The following KIF1A variants were observed in gnomAD, a reference collection of about 807,000 sequenced individuals.
KIF1A encodes the protein kinesin family member 1A.
A neutral mutation model predicts 227.3 loss-of-function variants in KIF1A; 46 were observed. The ratio of observed to expected loss-of-function variants is 0.20; its 90% CI spans 0.16 to 0.26. KIF1A has a LOEUF of 0.26. Among genes scored for constraint, KIF1A ranks in the 10% least tolerant of loss-of-function variants. The pLI is 1.00. For synonymous variants in KIF1A, 1,022 were observed against 1,012.8 expected, an observed-to-expected ratio of 1.01 and a Z score of -0.17; for missense variants, 1,683 against 2,485.9, an observed-to-expected ratio of 0.68 and a Z score of 6.87.
At chr2:240,787,577 A>G (rs1231768411) in intron 4 of KIF1A, among the ~76,000 whole-genome samples, 1 of 152,120 alleles carries the variant, frequency 6.6e-6, no homozygotes, top group Non-Finnish European at 1.5e-5. Context: ...CAGACATCCC[A>G]GCCATCTCCC....
intron 38 of KIF1A, among the ~76,000 whole-genome samples, chr2:240,733,765 C>A (rs952884949): frequency 2.6e-5 from 4 of 152,234 alleles, no homozygotes; most frequent in African/African-American, 9.6e-5. Flanking sequence ...GCTTAAAGGC[C>A]CATCATTGGT....
intron 1 of KIF1A, among the ~76,000 whole-genome samples, chr2:240,807,130 G>GGGTGTATATATATATATATATA (rs2057495818): frequency 8.4e-6 from 1 of 119,450 alleles, no homozygotes; most frequent in East Asian, 2.3e-4. Flanking sequence ...GTGTGTGTGT[G>GGGTGTATATATATATATATATA]TATATATATA....
intron 38 of KIF1A, among the ~76,000 whole-genome samples, chr2:240,732,790 AAGGGATGAGGGGAT>A (rs2046885174): frequency 3.6e-5 from 1 of 27,422 alleles, no homozygotes; most frequent in Non-Finnish European, 7.4e-5. Context: ...ATGAGGGGAT[AAGGGATGAGGGGAT>A]GAGGGAGGGA....
intron 38 of KIF1A, among the ~76,000 whole-genome samples, chr2:240,735,908 C>G (rs1432163010): frequency 6.6e-6 from 1 of 152,066 alleles, no homozygotes; most frequent in African/African-American, 2.4e-5. Context: ...GGGCAAGTTC[C>G]CTCTGGAAGG....
At chr2:240,809,807 A>C (rs1386328314) in intron 1 of KIF1A, among the ~76,000 whole-genome samples, 3 of 151,774 alleles carry the variant, frequency 2.0e-5, no homozygotes, top group African/African-American at 7.3e-5. Flanking sequence ...TGATGGGTGC[A>C]GCAAATCAAC....
At chr2:240,735,527 C>A (rs1007137344) in intron 38 of KIF1A, among the ~76,000 whole-genome samples, 1 of 152,140 alleles carries the variant, frequency 6.6e-6, no homozygotes, top group Non-Finnish European at 1.5e-5. Flanking sequence ...GCTGCCTGGG[C>A]TGAGGGGGGT....
At chr2:240,731,783 G>A (rs1250503918) in intron 38 of KIF1A, among the ~76,000 whole-genome samples, 2 of 152,130 alleles carry the variant, frequency 1.3e-5, no homozygotes, top group East Asian at 3.9e-4. Flanking sequence ...CTGGACTCTG[G>A]CTCCAGAACC....
In KIF1A at chr2:240,790,509, G is replaced by A. The variant is rs1023699367; in HGVS notation, c.107-1197C>T. Among the ~76,000 whole-genome samples the A allele has an allele frequency of 6.6e-6, 1 of 152,036 alleles. No homozygotes were observed. The highest frequency in any genetic ancestry group is 1.5e-5 in the Non-Finnish European group (1 of 68,012). Reference sequence around the variant, plus strand: ...CATGCACCCTGGGGACCTGCCACCAGGACCACGGAGAACAAAATGCCCCAG... The same window carrying A: ...CATGCACCCTGGGGACCTGCCACCAAGACCACGGAGAACAAAATGCCCCAG... On this transcript the variant is annotated intron_variant, in intron 2 of 48. Transcript: ENST00000498729. This position sits in a 1 kb window ranked among gnomAD's most constrained non-coding sequence, Gnocchi z 5.0.
intron 15 of KIF1A, 37 bp downstream of exon 15, chr2:240,770,932 CAG>C: frequency 6.2e-7 from 1 of 1,602,984 alleles, no homozygotes; most frequent in East Asian, 2.2e-5. Context: ...TCCCCACTCC[CAG>C]AGTCTGACAC....
At chr2:240,794,577 A>C (rs569454260) in intron 2 of KIF1A, among the ~76,000 whole-genome samples, 1 of 152,264 alleles carries the variant, frequency 6.6e-6, no homozygotes, top group South Asian at 2.1e-4. Context: ...ACATCCCTTC[A>C]GCAGCTCCCA....
intron 11 of KIF1A, 65 bp from the exon 12 acceptor site, chr2:240,774,326 C>T (rs2052439712): frequency 1.9e-6 from 2 of 1,070,486 alleles, no homozygotes; most frequent in Non-Finnish European, 1.4e-6. Flanking sequence ...GTCTGCTCCC[C>T]CCTTCCCCCC....
rs1210947383 is a variant in KIF1A, at chr2:240,758,267, G to A, written c.2582+93C>T. ...GGCTGGAAAAGCACTTGTCAGGGCC[G>A]CTCCTTGTATCAGGCCAGGGCCCAC... On this transcript the variant is annotated intron_variant, in intron 26 of 48. Transcript: ENST00000498729. The surrounding 1 kb of genome is among the most constrained non-coding windows in gnomAD (Gnocchi z 5.2). 2.8e-5 allele frequency: 39 copies of A among 1,404,282 alleles called. No homozygotes were observed. The highest frequency in any genetic ancestry group is 2.7e-4 in the East Asian group (11 of 40,852). 87.0% of individuals were successfully genotyped at this position (1,404,282 alleles called of 1,614,324 possible).
In KIF1A at chr2:240,725,485, A is replaced by T. The variant is rs1308035933; in HGVS notation, c.4123-81T>A. On this transcript the variant is annotated intron_variant, in intron 39 of 48. Transcript: ENST00000498729. The surrounding 1 kb of genome is among the most constrained non-coding windows in gnomAD (Gnocchi z 5.8). ...CCTTCCAGCCTTCTCCTGGGGGCACAATGCCCAGCACCGACAGGCAGCCCC... is the reference window on the plus strand; with the variant it reads ...CCTTCCAGCCTTCTCCTGGGGGCACTATGCCCAGCACCGACAGGCAGCCCC... 20 of 1,506,498 alleles carry T rather than the reference A, an allele frequency of 1.3e-5. No individual in the cohort carries two copies. Among genetic ancestry groups the T allele is most frequent in the Non-Finnish European group, 1.7e-5 (19 of 1,104,134 alleles). 93.3% of individuals were successfully genotyped at this position (1,506,498 alleles called of 1,614,324 possible).
intron 31 of KIF1A, 90 bp downstream of exon 31, chr2:240,745,648 T>C (rs2125790146): frequency 1.5e-5 from 23 of 1,523,944 alleles, no homozygotes; most frequent in Non-Finnish European, 2.1e-5. Flanking sequence ...AGCACCAACA[T>C]GGCCTGCTCC....
At chr2:240,742,848 C>T (rs997342453) in intron 34 of KIF1A, 81 bp downstream of exon 34, 1 of 1,283,546 alleles carries the variant, frequency 7.8e-7, no homozygotes, top group Non-Finnish European at 1.1e-6. Context: ...GGACAGCATT[C>T]ACTGCGGGGG....
rs752216361 is a variant in KIF1A, at chr2:240,758,519, A to G, written c.2445-22T>C. The G allele has an allele frequency of 3.4e-5, 52 of 1,544,272 alleles. No individual in the cohort carries two copies. The East Asian group carries it at 8.2e-4, about 24-fold the overall frequency. ...CTGCCTGCAGGGACGGCAGGGGTCA[A>G]TGTGGACCCAGGCCCAGCGCTCAGC... On this transcript the variant is annotated intron_variant, in intron 25 of 48. Coordinates refer to ENST00000498729, the MANE Select transcript of KIF1A (RefSeq NM_001244008.2). This position sits in a 1 kb window ranked among gnomAD's most constrained non-coding sequence, Gnocchi z 5.2.
At chr2:240,748,140 A>G (rs964056131) in intron 28 of KIF1A, among the ~76,000 whole-genome samples, 1 of 152,202 alleles carries the variant, frequency 6.6e-6, no homozygotes, top group Non-Finnish European at 1.5e-5. Context: ...AGCACTTCCT[A>G]GGCACTATCC....
intron 48 of KIF1A, 60 bp downstream of exon 48, chr2:240,717,990 C>T: frequency 9.0e-7 from 1 of 1,105,442 alleles, no homozygotes. Context: ...TGGTCCTGGC[C>T]AGGAGCCGGT....
Position 240,739,111 on chromosome 2 carries a change from A to G in KIF1A, c.3901+947T>C, listed in dbSNP as rs3772054. 0.34 allele frequency among the ~76,000 whole-genome samples: 51,989 copies of G among 152,112 alleles called. 9,127 individuals are homozygous for G. Among genetic ancestry groups the G allele is most frequent in the African/African-American group, 0.42 (17,615 of 41,472 alleles). ...AAAACATAAGCATGTATCCTGGTGT[A>G]CCTGGAACCTCCTGTCTACAGTCCT... On this transcript the variant is annotated intron_variant, in intron 37 of 48. Coordinates refer to ENST00000498729, the MANE Select transcript of KIF1A (RefSeq NM_001244008.2). This position sits in a 1 kb window ranked among gnomAD's most constrained non-coding sequence, Gnocchi z 5.6.
Sources: allele counts gnomAD v4.1 joint callset (sites outside exome capture counted in the v4.1 genomes callset), GRCh38; gene constraint gnomAD v4.1.1; non-coding constraint Gnocchi (gnomAD v3.1); transcripts MANE v1.5; gene names NCBI Gene and HGNC (gene_info 2026-07-23, HGNC 2026-07-21).